The following EDA variants were observed in gnomAD, a reference collection of about 807,000 sequenced individuals.
The protein encoded by EDA is ectodysplasin A, also known as ectodysplasin-A.
In EDA, 2 loss-of-function variants were observed where a neutral mutation model predicts 23.6. The ratio of observed to expected loss-of-function variants is 0.08; its 90% CI spans 0.03 to 0.27. The LOEUF is 0.27. EDA is among the 10% of genes least tolerant of loss of function. The pLI, the probability that EDA is intolerant of heterozygous loss-of-function variation, is 1.00. For synonymous variants in EDA, 131 were observed against 132.0 expected, an observed-to-expected ratio of 0.99 and a Z score of 0.05; for missense variants, 229 against 324.2, an observed-to-expected ratio of 0.71 and a Z score of 2.26.
chrX:69,992,033 A>G (rs1347420394), intron 2 of EDA, among the ~76,000 whole-genome samples: 1 of 112,242 alleles, frequency 8.9e-6, no homozygotes, highest in Admixed American at 9.4e-5. Flanking sequence ...GCCACTGGGT[A>G]AGGGTTTCCC....
intron 1 of EDA, among the ~76,000 whole-genome samples, chrX:69,872,056 G>T (rs2017574453): frequency 8.9e-6 from 1 of 111,986 alleles, no homozygotes; most frequent in Non-Finnish European, 1.9e-5. Flanking sequence ...TGTCTCAACA[G>T]AAACCCTACA....
chrX:69,862,843 A>G (rs1393816604), intron 1 of EDA, among the ~76,000 whole-genome samples: 4 of 110,816 alleles, frequency 3.6e-5, no homozygotes, highest in African/African-American at 9.9e-5. Flanking sequence ...GAAGGAGCCA[A>G]TTGGCCCTGT....
In EDA at chrX:69,719,348, T is replaced by A. The variant is rs571618508; in HGVS notation, c.396+102644T>A. Among the ~76,000 whole-genome samples, 113 of 111,105 alleles carry A rather than the reference T, an allele frequency of 1.0e-3. 1 individual carries two copies. The South Asian group carries it at 0.032, about 31-fold the overall frequency. On this transcript the variant is annotated intron_variant, in intron 1 of 7. Transcript: ENST00000374552. ...ATGCATGTAACTGTTTAACACATTT[T>A]AAAAAAAAATTTCAATAGCTTTAAG...
chrX:69,623,395 TG>T (rs1726684279), intron 1 of EDA, among the ~76,000 whole-genome samples: 1 of 111,583 alleles, frequency 9.0e-6, no homozygotes, highest in African/African-American at 3.3e-5. Flanking sequence ...AAGGGATAAA[TG>T]CACTTCCTTG....
At chrX:69,656,416 T>C (rs1933323517) in intron 1 of EDA, among the ~76,000 whole-genome samples, 1 of 111,787 alleles carries the variant, frequency 8.9e-6, no homozygotes, top group Non-Finnish European at 1.9e-5. Flanking sequence ...CCTTGGTGCT[T>C]TTACCCATGC....
At chrX:69,765,421 A>G (rs184879488) in intron 1 of EDA, among the ~76,000 whole-genome samples, 40 of 111,453 alleles carry the variant, frequency 3.6e-4, no homozygotes, top group Non-Finnish European at 6.4e-4. Context: ...ATTCAGTACT[A>G]TGTAGTTTGG....
At chrX:69,755,120 TGGA>T (rs1049530176) in intron 1 of EDA, among the ~76,000 whole-genome samples, 21 of 112,279 alleles carry the variant, frequency 1.9e-4, no homozygotes, top group African/African-American at 6.8e-4. Flanking sequence ...TGAGTTCCTT[TGGA>T]GGAGAAGAGG....
intron 4 of EDA, among the ~76,000 whole-genome samples, chrX:70,029,243 G>C (rs1399685944): frequency 8.9e-6 from 1 of 112,567 alleles, no homozygotes; most frequent in Admixed American, 9.3e-5. Context: ...TGGGTGCCCG[G>C]TGGGGCTTGC....
chrX:69,689,381 C>T (rs974835686), intron 1 of EDA, among the ~76,000 whole-genome samples: 6 of 107,726 alleles, frequency 5.6e-5, no homozygotes, highest in African/African-American at 6.8e-5. Flanking sequence ...CTGCAAACTC[C>T]GCTTCCTGGG....
chrX:69,901,746 A>G (rs2018102498), intron 1 of EDA, among the ~76,000 whole-genome samples: 1 of 111,869 alleles, frequency 8.9e-6, no homozygotes, highest in African/African-American at 3.2e-5. Flanking sequence ...GGAATTGACC[A>G]CAGTAAATGA....
intron 1 of EDA, among the ~76,000 whole-genome samples, chrX:69,814,826 G>A (rs4409551): frequency 0.23 from 25,695 of 110,883 alleles, 2,302 homozygotes; most frequent in African/African-American, 0.31. Flanking sequence ...TTCTCCCATG[G>A]ATCTTTGCAA....
At chrX:69,760,001 A>G (rs2014249465) in intron 1 of EDA, among the ~76,000 whole-genome samples, 1 of 108,853 alleles carries the variant, frequency 9.2e-6, no homozygotes. Flanking sequence ...TACAGCAAAT[A>G]CCACGTCTTT....
intron 1 of EDA, among the ~76,000 whole-genome samples, chrX:69,875,486 A>T (rs1386362036): frequency 8.9e-6 from 1 of 112,254 alleles, no homozygotes; most frequent in Non-Finnish European, 1.9e-5. Flanking sequence ...TCAACTCAAG[A>T]TGGATCAAGG....
intron 2 of EDA, among the ~76,000 whole-genome samples, chrX:69,968,094 T>G (rs973030467): frequency 1.3e-4 from 14 of 110,819 alleles, no homozygotes; most frequent in East Asian, 8.5e-4. Context: ...AAATATGGGG[T>G]TTTTTTTAAG....
intron 1 of EDA, among the ~76,000 whole-genome samples, chrX:69,923,233 C>T (rs2018462032): frequency 9.0e-6 from 1 of 111,075 alleles, no homozygotes; most frequent in Non-Finnish European, 1.9e-5. Context: ...CATAGGTATA[C>T]ATGTGTCATG....
At chrX:69,658,819 A>G (rs1487888103) in intron 1 of EDA, among the ~76,000 whole-genome samples, 1 of 111,765 alleles carries the variant, frequency 8.9e-6, no homozygotes, top group Non-Finnish European at 1.9e-5. Flanking sequence ...CTAACCATTT[A>G]AGCTGCGCAG....
chrX:69,953,469 T>A (rs2018957229), intron 1 of EDA, among the ~76,000 whole-genome samples: 1 of 111,850 alleles, frequency 8.9e-6, no homozygotes, highest in African/African-American at 3.2e-5. Flanking sequence ...TGGTAGTCAC[T>A]CTGGAAAATA....
intron 1 of EDA, among the ~76,000 whole-genome samples, chrX:69,896,636 G>C (rs2018020552): frequency 9.0e-6 from 1 of 110,869 alleles, no homozygotes; most frequent in African/African-American, 3.3e-5. Flanking sequence ...AAAGACTGAG[G>C]TACAGGGAAG....
At chrX:69,706,697 A>C (rs2011737346) in intron 1 of EDA, among the ~76,000 whole-genome samples, 1 of 112,091 alleles carries the variant, frequency 8.9e-6, no homozygotes, top group Non-Finnish European at 1.9e-5. Context: ...AATTGGTTGA[A>C]AGAGTTATCA....
Sources: gnomAD v4.1 joint callset for allele counts (sites outside exome capture counted in the v4.1 genomes callset) on GRCh38, gnomAD v4.1.1 for gene constraint, MANE v1.5 for transcripts, NCBI Gene and HGNC (gene_info 2026-07-23, HGNC 2026-07-21) for gene names.